Variants in SLC12A4 observed in about 807,000 individuals in gnomAD.
The protein encoded by SLC12A4 is electroneutral potassium-chloride cotransporter 1.
In SLC12A4, 84 loss-of-function variants were observed where a neutral mutation model predicts 119.2. The ratio of observed to expected loss-of-function variants is 0.70; its 90% CI spans 0.59 to 0.85. The LOEUF is 0.85. SLC12A4 is among the 40% of genes least tolerant of loss of function. The pLI is 0.00. For missense variants in SLC12A4, 1,298 were observed against 1,476.3 expected, an observed-to-expected ratio of 0.88 and a Z score of 1.98; for synonymous variants, 599 against 604.6, an observed-to-expected ratio of 0.99 and a Z score of 0.14.
At chr16:67,952,550 A>T in intron 6 of SLC12A4, 125 bp from the exon 7 acceptor site, 1 of 1,043,678 alleles carries the variant, frequency 9.6e-7, no homozygotes, top group Non-Finnish European at 1.4e-6. Context: ...CTGTAATCCC[A>T]GCACTTTGGG....
chr16:67,959,244 T>C (rs1028934954), intron 3 of SLC12A4, among the ~76,000 whole-genome samples: 1 of 152,180 alleles, frequency 6.6e-6, no homozygotes, highest in Non-Finnish European at 1.5e-5. Flanking sequence ...GCTGACATCT[T>C]TTTGAGGCAC....
chr16:67,944,016 T>C lies in SLC12A4; in HGVS notation c.*824A>G, dbSNP rs1253171555. 9 of 1,547,830 alleles carry C rather than the reference T, an allele frequency of 5.8e-6. No individual in the cohort carries two copies. Among genetic ancestry groups the C allele is most frequent in the Non-Finnish European group, 6.1e-6 (7 of 1,145,680 alleles). On this transcript the variant is annotated 3_prime_UTR_variant, in exon 24 of 24. Transcript: ENST00000316341. This position sits in a 1 kb window ranked among gnomAD's most constrained non-coding sequence, Gnocchi z 6.6. ...CGTGGTGTGCGGGGGGAAGAGCACA[T>C]TGAGGAGCCAGAAGGGGGCGGCAGG...
At chr16:67,957,639 A>G in intron 5 of SLC12A4, 103 bp downstream of exon 5, 1 of 1,361,662 alleles carries the variant, frequency 7.3e-7, no homozygotes, top group Non-Finnish European at 1.0e-6. Flanking sequence ...AGCCCACTAC[A>G]GAACTGCTTG....
intron 22 of SLC12A4, 59 bp from the exon 23 acceptor site, chr16:67,945,279 A>G (rs1308037246): frequency 6.4e-7 from 1 of 1,558,282 alleles, no homozygotes; most frequent in African/African-American, 1.4e-5. Flanking sequence ...GAGGGTCCCC[A>G]CCCCTGGCCC....
Position 67,943,934 on chromosome 16 carries a change from TG to T in SLC12A4, c.*905del. On this transcript the variant is annotated 3_prime_UTR_variant, in exon 24 of 24. Transcript: ENST00000316341. The surrounding 1 kb of genome is among the most constrained non-coding windows in gnomAD (Gnocchi z 4.6). Reference sequence around the variant, plus strand: ...GGTCTGGCGTGGTGCATCAGGGGCCTGGTGGGGGCTTACCGAGGATGACGGG... The same window carrying T: ...GGTCTGGCGTGGTGCATCAGGGGCCTGTGGGGGCTTACCGAGGATGACGGG... 1 of 1,541,242 alleles carries T rather than the reference TG, an allele frequency of 6.5e-7. No individual in the cohort carries two copies. The highest frequency in any genetic ancestry group is 8.8e-7 in the Non-Finnish European group (1 of 1,141,392).
At position 67,950,843 on chromosome 16, in the gene SLC12A4, C is replaced by T; in HGVS notation, c.1396+119G>A. ...CTCGTGGTGTGTATGTGCATGTGTG[C>T]ATGAGAAGGGGAGCTATATATGAGT... On this transcript the variant is annotated intron_variant, in intron 10 of 23. Coordinates refer to ENST00000316341, the MANE Select transcript of SLC12A4 (RefSeq NM_005072.5). The surrounding 1 kb of genome is among the most constrained non-coding windows in gnomAD (Gnocchi z 4.3). 1 of 1,425,908 alleles carries T rather than the reference C, an allele frequency of 7.0e-7. No individual in the cohort carries two copies. The highest frequency in any genetic ancestry group is 9.7e-7 in the Non-Finnish European group (1 of 1,026,794). 88.3% of individuals were successfully genotyped at this position (1,425,908 alleles called of 1,614,324 possible). A position where few individuals can be genotyped will look rare whatever the true frequency, so the allele number is the denominator to read the frequency against.
At position 67,945,861 on chromosome 16, in the gene SLC12A4, T is replaced by A. The variant is rs1254558080; in HGVS notation, c.2750A>T (p.Asp917Val). The A allele has an allele frequency of 6.2e-7, 1 of 1,613,904 alleles. No homozygotes were observed. The highest frequency in any genetic ancestry group is 8.5e-7 in the Non-Finnish European group (1 of 1,180,034). ...EVEVVEMHNS[D>V]ISAYTYERTL... ...CCGCTCGTAGGTGTATGCAGAGATG[T>A]CACTGTTATGCTGGGGACAGGGTTG... Residue 917 changes from aspartate (D) to valine (V), a missense_variant, in exon 21 of 24, where the codon GAC (aspartate) becomes GTC (valine). By Grantham distance (152) the Asp-to-Val change is radical. Transcript: ENST00000316341.
chr16:67,947,932 A>G (rs1218961883), intron 14 of SLC12A4, 129 bp downstream of exon 14: 2 of 1,457,098 alleles, frequency 1.4e-6, no homozygotes, highest in Non-Finnish European at 1.9e-6. Flanking sequence ...ACCTAGGTCC[A>G]GTCCCCCGCA....
intron 6 of SLC12A4, 41 bp downstream of exon 6, chr16:67,954,602 T>C (rs542435584): frequency 2.5e-6 from 4 of 1,612,792 alleles, no homozygotes; most frequent in Admixed American, 1.7e-5. Context: ...AAGGGACTGT[T>C]TGGACATGGC....
intron 22 of SLC12A4, 33 bp from the exon 23 acceptor site, chr16:67,945,253 T>C (rs754636828): frequency 6.4e-7 from 1 of 1,552,478 alleles, no homozygotes; most frequent in South Asian, 1.2e-5. Context: ...CAGGTCGCCA[T>C]GAGCCATCCT....
At position 67,968,511 on chromosome 16, in the gene SLC12A4, C is replaced by T. The variant is rs573527060; in HGVS notation, c.43G>A (p.Gly15Ser). The change falls in exon 1 of 24, where the codon GGC (glycine) becomes AGC (serine). Residue 15 changes from glycine (G) to serine (S), a missense_variant. Transcript: ENST00000316341. ...AGCCCCTCGAGGTTGTCATAGTCGC[C>T]GCGCCTCGGCCCGTCCACTGGCACC... ...TVVPVDGPRR[G>S]DYDNLEGLSW... 75 of 1,583,842 alleles carry T rather than the reference C, an allele frequency of 4.7e-5. No individual in the cohort carries two copies. The highest frequency in any genetic ancestry group is 1.7e-4 in the Middle Eastern group (1 of 5,976).
rs748469896 is a variant in SLC12A4, at chr16:67,947,397, G to C, written c.2006C>G (p.Ser669Cys). ...CAGCGCGTAGCGGGCAGCGCTCAGG[G>C]ACAGGCCTCGGATCCCGTCACCCCA... ...KEWGDGIRGL[S>C]LSAARYALLR... Residue 669 changes from serine to cysteine, a missense_variant, in exon 16 of 24, where the codon TCC becomes TGC. Ser to Cys is a moderately radical substitution (Grantham distance 112). Transcript: ENST00000316341. The C allele has an allele frequency of 5.6e-6, 9 of 1,612,818 alleles. No homozygotes were observed. Among genetic ancestry groups the C allele is most frequent in the Non-Finnish European group, 6.8e-6 (8 of 1,179,878 alleles).
intron 1 of SLC12A4, chr16:67,964,088 C>T (rs3785101): frequency 2.0e-6 from 3 of 1,525,178 alleles, no homozygotes; most frequent in Non-Finnish European, 2.7e-6. Flanking sequence ...TCCTGCAGGG[C>T]AGCCCGGGGC....
At chr16:67,961,177 C>G (rs1238307664) in intron 3 of SLC12A4, among the ~76,000 whole-genome samples, 3 of 152,230 alleles carry the variant, frequency 2.0e-5, no homozygotes, top group African/African-American at 7.2e-5. Context: ...CTAGCTCAGT[C>G]ACCTTAGACA....
intron 13 of SLC12A4, among the ~76,000 whole-genome samples, chr16:67,948,775 G>C (rs927889149): frequency 3.3e-5 from 5 of 152,190 alleles, no homozygotes; most frequent in African/African-American, 1.2e-4. Flanking sequence ...GGGCACAAGG[G>C]GGGTCACCAC....
intron 17 of SLC12A4, 59 bp from the exon 18 acceptor site, chr16:67,946,692 C>A: frequency 6.5e-7 from 1 of 1,547,512 alleles, no homozygotes; most frequent in South Asian, 1.2e-5. Flanking sequence ...TCTGGGCTCC[C>A]TCCCAAGGCC....
Position 67,944,452 on chromosome 16 carries a change from C to T in SLC12A4, c.*388G>A. On this transcript the variant is annotated 3_prime_UTR_variant, in exon 24 of 24. Coordinates refer to ENST00000316341, the MANE Select transcript of SLC12A4 (RefSeq NM_005072.5). The surrounding 1 kb of genome is among the most constrained non-coding windows in gnomAD (Gnocchi z 6.6). ...CCAGATCTTCCTGCAGGCAGCTGGG[C>T]TGGACTCCCTCCCTGGCTACCCTTC... 1 of 1,257,016 alleles carries T rather than the reference C, an allele frequency of 8.0e-7. No homozygotes were observed. The highest frequency in any genetic ancestry group is 2.7e-5 in the South Asian group (1 of 37,204). 77.9% of individuals were successfully genotyped at this position (1,257,016 alleles called of 1,614,324 possible).
At position 67,958,279 on chromosome 16, in the gene SLC12A4, T is replaced by C. The variant is rs1334892967; in HGVS notation, c.343-235A>G. 2.0e-5 allele frequency among the ~76,000 whole-genome samples: 3 copies of C among 152,274 alleles called. No individual in the cohort carries two copies. The East Asian group carries it at 5.8e-4, about 29-fold the overall frequency. On this transcript the variant is annotated intron_variant, in intron 3 of 23. Coordinates refer to ENST00000316341, the MANE Select transcript of SLC12A4 (RefSeq NM_005072.5). ...ACATTGAACTTTGGAACCTTAACTC[T>C]CTCTCAAGGTACTGCCTCCTTCCCT...
rs1170493451 is a variant in SLC12A4 at position 67,945,349 on chromosome 16, G to A, written c.3032+20C>T. The A allele has an allele frequency of 6.2e-7, 1 of 1,605,174 alleles. No homozygotes were observed. The highest frequency in any genetic ancestry group is 2.2e-5 in the East Asian group (1 of 44,728). ...ACCCCTAGATTCCAGTGCCGCTGGG[G>A]CTGTTTTTGCTGCACTCACGGCTTA... On this transcript the variant is annotated intron_variant, in intron 22 of 23. Transcript: ENST00000316341.
Sources: allele counts gnomAD v4.1 joint callset (sites outside exome capture counted in the v4.1 genomes callset), GRCh38; gene constraint gnomAD v4.1.1; non-coding constraint Gnocchi (gnomAD v3.1); transcripts MANE v1.5; gene names NCBI Gene and HGNC (gene_info 2026-07-23, HGNC 2026-07-21).